Variants in CANX observed in about 807,000 individuals in gnomAD.
The protein encoded by CANX is calnexin.
CANX carries 14 observed loss-of-function variants against 75.7 expected under a neutral mutation model. That is an observed-to-expected ratio of 0.19 (90% CI 0.12 to 0.29). The LOEUF (loss-of-function observed/expected upper bound fraction) is 0.29, where lower values mean the gene tolerates loss of function less well. CANX is among the 10% of genes least tolerant of loss of function. The pLI is 1.00. For synonymous variants in CANX, 227 were observed against 236.9 expected (o/e 0.96, Z 0.38); for missense variants, 567 against 713.2 (o/e 0.79, Z 2.34).
At chr5:179,716,517 A>G (rs1777961612) in intron 8 of CANX, among the ~76,000 whole-genome samples, 1 of 152,258 alleles carries the variant, frequency 6.6e-6, no homozygotes, top group African/African-American at 2.4e-5. Context: ...ACACTTGATA[A>G]GAGTTTGTCT....
At chr5:179,725,409 C>T (rs903564520) in intron 13 of CANX, among the ~76,000 whole-genome samples, 16 of 151,012 alleles carry the variant, frequency 1.1e-4, no homozygotes, top group African/African-American at 2.2e-4. Flanking sequence ...TGGCCAGGTG[C>T]GGTGGCTCAC....
At chr5:179,690,405 G>A (rs947599111) in intron 1 of CANX, among the ~76,000 whole-genome samples, 3 of 150,186 alleles carry the variant, frequency 2.0e-5, no homozygotes, top group Non-Finnish European at 3.0e-5. Context: ...GTGAAACCCC[G>A]TCTGTACTTA....
At chr5:179,716,600 A>C (rs1203850483) in intron 8 of CANX, among the ~76,000 whole-genome samples, 1 of 152,214 alleles carries the variant, frequency 6.6e-6, no homozygotes, top group African/African-American at 2.4e-5. Context: ...CTGTGAACTC[A>C]CATTTAAAGC....
At chr5:179,693,145 C>CAA (rs766961125) in intron 1 of CANX, among the ~76,000 whole-genome samples, 1,085 of 92,682 alleles carry the variant, frequency 0.012, 24 homozygotes, top group African/African-American at 0.024. Context: ...AACTCCGTCT[C>CAA]AAAAAAAAAA....
upstream of CANX, among the ~76,000 whole-genome samples, chr5:179,695,489 C>G (rs1776380736): frequency 6.6e-6 from 1 of 151,412 alleles, no homozygotes; most frequent in South Asian, 2.1e-4. Flanking sequence ...GCCACCATGC[C>G]CGGCTAATTT....
chr5:179,678,880 C>T, intron 1 of CANX: 3 of 1,536,150 alleles, frequency 2.0e-6, no homozygotes, highest in Non-Finnish European at 2.6e-6. Flanking sequence ...TCCTCGCCAG[C>T]TGGCTCTCAG....
intron 1 of CANX, among the ~76,000 whole-genome samples, chr5:179,702,771 T>C (rs559263067): frequency 3.5e-4 from 54 of 152,210 alleles, no homozygotes; most frequent in African/African-American, 1.3e-3. Flanking sequence ...CAGCTCACTT[T>C]ATTTTTTATT....
rs71001039 is a variant in CANX, at chr5:179,684,926, ATTTTTT to A, written c.-4+6174_-4+6179del. Reference sequence around the variant, plus strand: ...TGCCACCACACCTGGCTAATTTTGTATTTTTTTTTTTTTTTTTTTTTTTTTTTTTTA... The same window carrying A: ...TGCCACCACACCTGGCTAATTTTGTATTTTTTTTTTTTTTTTTTTTTTTTA... On this transcript the variant is annotated intron_variant, in intron 1 of 14. Transcript: ENST00000681674. 7.0e-3 allele frequency among the ~76,000 whole-genome samples: 344 copies of A among 49,148 alleles called. 1 individual carries two copies. The highest frequency in any genetic ancestry group is 0.03 in the African/African-American group (335 of 11,064). 32.2% of individuals were successfully genotyped at this position (49,148 alleles called of 152,430 possible). A position where few individuals can be genotyped will look rare whatever the true frequency, so the allele number is the denominator to read the frequency against.
chr5:179,713,127 G>A (rs1289908002), intron 7 of CANX, among the ~76,000 whole-genome samples: 1 of 151,712 alleles, frequency 6.6e-6, no homozygotes, highest in Non-Finnish European at 1.5e-5. Flanking sequence ...TGTCATCCAG[G>A]CTGGAGTGCA....
chr5:179,728,863 C>T lies in CANX; in HGVS notation c.*219C>T. 1 of 616,152 alleles carries T rather than the reference C, an allele frequency of 1.6e-6. No individual in the cohort carries two copies. Among genetic ancestry groups the T allele is most frequent in the Non-Finnish European group, 3.0e-6 (1 of 335,570 alleles). The allele number at this position is 616,152 out of a possible 1,614,324, so 38.2% of individuals were successfully genotyped here. On this transcript the variant is annotated 3_prime_UTR_variant, in exon 15 of 15. Coordinates refer to ENST00000247461, the MANE Select transcript of CANX (RefSeq NM_001746.4). Reference sequence around the variant, plus strand: ...GACCCTGTTTCTGTAGAAAAGAAAACATTTAACATAATGGTTGTGAAATGT... The same window carrying T: ...GACCCTGTTTCTGTAGAAAAGAAAATATTTAACATAATGGTTGTGAAATGT...
intron 1 of CANX, among the ~76,000 whole-genome samples, chr5:179,679,559 C>T (rs577286059): frequency 9.9e-5 from 15 of 152,264 alleles, no homozygotes; most frequent in African/African-American, 2.4e-4. Flanking sequence ...GGTAGCAAGA[C>T]AAGTAAGTAG....
At chr5:179,720,833 G>A (rs1219839513) in intron 10 of CANX, among the ~76,000 whole-genome samples, 1 of 151,864 alleles carries the variant, frequency 6.6e-6, no homozygotes, top group Non-Finnish European at 1.5e-5. Context: ...ACCCAGGCTG[G>A]AGGGCAGTGG....
exon 1 of CANX, chr5:179,678,724 G>A (rs1043464911): frequency 2.0e-6 from 3 of 1,536,910 alleles, no homozygotes; most frequent in Non-Finnish European, 2.6e-6. Flanking sequence ...GCAAGTGCAT[G>A]CGCGCCATGG....
intron 1 of CANX, among the ~76,000 whole-genome samples, chr5:179,701,864 CAAG>C (rs1776787284): frequency 1.3e-5 from 2 of 150,200 alleles, no homozygotes; most frequent in Non-Finnish European, 3.0e-5. Flanking sequence ...CTCAGCCTCC[CAAG>C]TAGCTGGGAC....
chr5:179,685,404 A>G (rs1776172629), intron 1 of CANX, among the ~76,000 whole-genome samples: 1 of 151,942 alleles, frequency 6.6e-6, no homozygotes, highest in African/African-American at 2.4e-5. Flanking sequence ...ATGTGCCACC[A>G]TGCCTGGCTA....
chr5:179,698,735 C>A, upstream of CANX: 1 of 688,032 alleles, frequency 1.5e-6, no homozygotes, highest in Non-Finnish European at 2.2e-6. Context: ...GCCCGCCCCT[C>A]ACCTCCCGCC....
chr5:179,686,576 G>A (rs1446724610), intron 1 of CANX, among the ~76,000 whole-genome samples: 3 of 151,926 alleles, frequency 2.0e-5, no homozygotes, highest in Non-Finnish European at 4.4e-5. Context: ...CCCAGGCTCC[G>A]GTGATCCTCC....
At chr5:179,688,302 C>T (rs1415164554) in intron 1 of CANX, among the ~76,000 whole-genome samples, 2 of 149,454 alleles carry the variant, frequency 1.3e-5, no homozygotes, top group Non-Finnish European at 3.0e-5. Context: ...ATCCGCCTGG[C>T]TTAGCCTCCC....
chr5:179,698,783 C>G, upstream of CANX: 1 of 663,762 alleles, frequency 1.5e-6, no homozygotes, highest in Non-Finnish European at 2.2e-6. Context: ...CCCGGCCAAT[C>G]TTCACACTCC....
Sources: gnomAD v4.1 joint callset for allele counts (sites outside exome capture counted in the v4.1 genomes callset) on GRCh38, gnomAD v4.1.1 for gene constraint, MANE v1.5 for transcripts, NCBI Gene and HGNC (gene_info 2026-07-23, HGNC 2026-07-21) for gene names.